Variants in LAMA2 observed in about 807,000 individuals in gnomAD.
LAMA2 encodes laminin subunit alpha 2, also known as laminin subunit alpha-2.
In LAMA2, 269 loss-of-function variants were observed where a neutral mutation model predicts 364.8. That is an observed-to-expected ratio of 0.74 (90% CI 0.67 to 0.82). LAMA2 has a LOEUF of 0.82. Ranked by LOEUF, LAMA2 falls within the 40% of genes least tolerant of loss-of-function variation. The pLI is 0.00. For missense variants in LAMA2, 3,807 were observed against 3,873.2 expected, an observed-to-expected ratio of 0.98 and a Z score of 0.45; for synonymous variants, 1,379 against 1,370.6, an observed-to-expected ratio of 1.01 and a Z score of -0.14.
chr6:129,223,585 T>C (rs540960045), intron 12 of LAMA2, among the ~76,000 whole-genome samples: 37 of 152,312 alleles, frequency 2.4e-4, no homozygotes, highest in African/African-American at 8.9e-4. Flanking sequence ...CCCAGCACCA[T>C]TTATTAAATA....
chr6:129,207,512 A>G, intron 12 of LAMA2, among the ~76,000 whole-genome samples: 1 of 152,078 alleles, frequency 6.6e-6, no homozygotes. Flanking sequence ...AGCCCCTTAG[A>G]GATTCTTTTT....
intron 45 of LAMA2, among the ~76,000 whole-genome samples, chr6:129,448,089 A>T (rs950725847): frequency 2.0e-5 from 3 of 152,162 alleles, no homozygotes; most frequent in Non-Finnish European, 4.4e-5. Flanking sequence ...GGAGTTTGAG[A>T]CCAGCCTGGG....
chr6:129,145,317 C>G (rs973512272), intron 5 of LAMA2, among the ~76,000 whole-genome samples: 1 of 152,006 alleles, frequency 6.6e-6, no homozygotes, highest in African/African-American at 2.4e-5. Context: ...TAGTTAGTCC[C>G]ATGCAACATA....
At chr6:129,478,954 T>G in intron 54 of LAMA2, 141 bp downstream of exon 54, 1 of 792,870 alleles carries the variant, frequency 1.3e-6, no homozygotes. Flanking sequence ...AAAGCAAGAT[T>G]AAAGCATTCT....
At chr6:129,277,353 G>A (rs1788401383) in intron 17 of LAMA2, among the ~76,000 whole-genome samples, 1 of 152,072 alleles carries the variant, frequency 6.6e-6, no homozygotes, top group South Asian at 2.1e-4. Flanking sequence ...TATTGTGCAT[G>A]TTTATTTCTC....
chr6:129,424,144 T>C (rs1449612377), intron 40 of LAMA2, among the ~76,000 whole-genome samples: 1 of 152,022 alleles, frequency 6.6e-6, no homozygotes, highest in Non-Finnish European at 1.5e-5. Context: ...CAAATTCTAC[T>C]AGAGGAATTG....
chr6:129,273,121 T>C (rs1327384198), intron 17 of LAMA2, among the ~76,000 whole-genome samples: 3 of 152,106 alleles, frequency 2.0e-5, no homozygotes, highest in Non-Finnish European at 4.4e-5. Flanking sequence ...ATAATTACTA[T>C]AGGAGAACAA....
chr6:129,148,300 C>A (rs1237571693), intron 6 of LAMA2, among the ~76,000 whole-genome samples: 6 of 152,026 alleles, frequency 3.9e-5, no homozygotes, highest in African/African-American at 1.5e-4. Flanking sequence ...GAGAGCTAAA[C>A]AATGAGAACA....
At chr6:128,996,367 T>G (rs1367825931) in intron 1 of LAMA2, among the ~76,000 whole-genome samples, 1 of 152,072 alleles carries the variant, frequency 6.6e-6, no homozygotes, top group Non-Finnish European at 1.5e-5. Flanking sequence ...GAGAAAATTT[T>G]TGCAATCTAT....
intron 15 of LAMA2, among the ~76,000 whole-genome samples, chr6:129,264,441 C>T (rs1379910548): frequency 2.6e-5 from 4 of 152,080 alleles, no homozygotes; most frequent in African/African-American, 7.2e-5. Context: ...GATTTGAAAA[C>T]GCTGTGAAGT....
intron 2 of LAMA2, among the ~76,000 whole-genome samples, chr6:129,052,375 C>T (rs1788131573): frequency 6.6e-6 from 1 of 150,456 alleles, no homozygotes. Context: ...GTCTCAATCT[C>T]CTGATCTCGT....
At chr6:129,213,181 C>T (rs565657329) in intron 12 of LAMA2, among the ~76,000 whole-genome samples, 6 of 152,196 alleles carry the variant, frequency 3.9e-5, no homozygotes, top group South Asian at 2.1e-4. Flanking sequence ...TGTAAGGTTC[C>T]GCCATGTCTT....
At chr6:129,231,633 G>GT (rs987371100) in intron 12 of LAMA2, among the ~76,000 whole-genome samples, 10 of 152,084 alleles carry the variant, frequency 6.6e-5, no homozygotes, top group Non-Finnish European at 8.8e-5. Flanking sequence ...CAGAAGCCAC[G>GT]TTTTTTCTAG....
At chr6:129,024,076 G>A (rs1434195891) in intron 1 of LAMA2, among the ~76,000 whole-genome samples, 2 of 152,060 alleles carry the variant, frequency 1.3e-5, no homozygotes, top group African/African-American at 4.8e-5. Context: ...TTTAGCAGCT[G>A]CTTTAACAAG....
chr6:129,320,956 G>A (rs897132098), intron 28 of LAMA2, among the ~76,000 whole-genome samples: 2 of 152,150 alleles, frequency 1.3e-5, no homozygotes, highest in African/African-American at 4.8e-5. Context: ...CACTTCTGAA[G>A]AGTTAGAGAC....
chr6:129,418,067 G>C (rs532575888), intron 40 of LAMA2, among the ~76,000 whole-genome samples: 13 of 151,726 alleles, frequency 8.6e-5, no homozygotes, highest in East Asian at 1.9e-4. Flanking sequence ...CACCAGCTCT[G>C]TGGAGCACAA....
Position 129,154,648 on chromosome 6 carries a change from G to A in LAMA2, c.1171G>A (p.Glu391Lys), listed in dbSNP as rs753382270. ...CCAAAACACTGCTGGTATAAACTGC[G>A]AGACATGTACTGATGGCTTCTTCAG... ...CTQNTAGINC[E>K]TCTDGFFRPK... The change falls in exon 8 of 65, where the codon GAG becomes AAG. Residue 391 changes from glutamate to lysine, a missense_variant. Around this residue, in one of 3 missense-constraint regions of LAMA2, gnomAD observed 80 missense variants for 124.0 expected, o/e 0.65. Transcript: ENST00000421865. 22 of 1,613,902 alleles carry A rather than the reference G, an allele frequency of 1.4e-5. No individual in the cohort carries two copies. The highest frequency in any genetic ancestry group is 3.3e-5 in the South Asian group (3 of 91,088).
intron 1 of LAMA2, among the ~76,000 whole-genome samples, chr6:128,996,378 C>T (rs1488678757): frequency 6.6e-6 from 1 of 151,992 alleles, no homozygotes; most frequent in Non-Finnish European, 1.5e-5. Context: ...TGCAATCTAT[C>T]CATCTGACAA....
chr6:129,140,183 G>A (rs946684713), intron 4 of LAMA2, among the ~76,000 whole-genome samples: 2 of 152,022 alleles, frequency 1.3e-5, no homozygotes, highest in Admixed American at 1.3e-4. Context: ...TTTTTAAAAT[G>A]TATTCTAAAA....
Sources: gnomAD v4.1 joint callset for allele counts (sites outside exome capture counted in the v4.1 genomes callset) on GRCh38, gnomAD v4.1.1 for gene constraint, gnomAD v4.1.1 regional missense constraint, MANE v1.5 for transcripts, NCBI Gene and HGNC (gene_info 2026-07-23, HGNC 2026-07-21) for gene names.